BNC2: variants seen among roughly 807,000 people sequenced by gnomAD.
BNC2 encodes basonuclin zinc finger protein 2.
BNC2 carries 20 observed loss-of-function variants against 76.3 expected under a neutral mutation model. The observed-to-expected ratio is 0.26, with a 90% CI of 0.18 to 0.38. The LOEUF is 0.38. Ranked by LOEUF, BNC2 falls within the 10% of genes least tolerant of loss-of-function variation. The pLI, the probability that BNC2 is intolerant of heterozygous loss-of-function variation, is 1.00. For missense variants in BNC2, 1,382 were observed against 1,399.8 expected (o/e 0.99, Z 0.20); for synonymous variants, 582 against 514.8 (o/e 1.13, Z -1.77).
intron 1 of BNC2, among the ~76,000 whole-genome samples, chr9:16,746,196 T>C (rs1322538557): frequency 6.6e-6 from 1 of 152,190 alleles, no homozygotes; most frequent in African/African-American, 2.4e-5. Context: ...GTTGATAATC[T>C]AGTAGTATAC....
intron 3 of BNC2, among the ~76,000 whole-genome samples, chr9:16,704,266 T>G (rs1194082366): frequency 6.6e-6 from 1 of 152,212 alleles, no homozygotes; most frequent in African/African-American, 2.4e-5. Flanking sequence ...TCAGTAACTG[T>G]AAGCCTAAAA....
chr9:16,551,284 T>G (rs1408760337), intron 5 of BNC2, among the ~76,000 whole-genome samples: 1 of 152,144 alleles, frequency 6.6e-6, no homozygotes. Flanking sequence ...CCAACTCCCT[T>G]CCCTTTCCCT....
intron 5 of BNC2, among the ~76,000 whole-genome samples, chr9:16,520,862 T>A (rs1458475806): frequency 1.3e-5 from 2 of 152,220 alleles, no homozygotes; most frequent in Non-Finnish European, 2.9e-5. Context: ...GGCACAAGCA[T>A]AGCTTTAAAA....
intron 5 of BNC2, among the ~76,000 whole-genome samples, chr9:16,452,739 C>T (rs1352635273): frequency 1.3e-5 from 2 of 152,116 alleles, no homozygotes; most frequent in Non-Finnish European, 2.9e-5. Flanking sequence ...TGTTCGTGGG[C>T]GCATACTTTC....
intron 4 of BNC2, among the ~76,000 whole-genome samples, chr9:16,553,520 T>C (rs1468665095): frequency 6.6e-6 from 1 of 152,216 alleles, no homozygotes; most frequent in Non-Finnish European, 1.5e-5. Flanking sequence ...ACAAGTCACT[T>C]TGTTAATAGC....
intron 3 of BNC2, among the ~76,000 whole-genome samples, chr9:16,680,143 T>G (rs1242293408): frequency 6.6e-6 from 1 of 152,172 alleles, no homozygotes; most frequent in African/African-American, 2.4e-5. Flanking sequence ...ACATACAACA[T>G]TTTGGCAACT....
At chr9:16,617,746 T>C (rs77566809) in intron 3 of BNC2, among the ~76,000 whole-genome samples, 3,240 of 152,328 alleles carry the variant, frequency 0.021, 108 homozygotes, top group South Asian at 0.17. Context: ...GCATTTATTA[T>C]GTTTCAGGCA....
At chr9:16,564,078 A>G (rs997793885) in intron 4 of BNC2, among the ~76,000 whole-genome samples, 4 of 152,200 alleles carry the variant, frequency 2.6e-5, no homozygotes, top group Non-Finnish European at 4.4e-5. Context: ...GAGTGGAAAC[A>G]ACAGTTAAGG....
intron 4 of BNC2, among the ~76,000 whole-genome samples, chr9:16,555,856 A>G (rs942808876): frequency 6.6e-6 from 1 of 152,196 alleles, no homozygotes; most frequent in Non-Finnish European, 1.5e-5. Context: ...AGCAAAGGTC[A>G]ACAACTTATT....
At chr9:16,799,107 G>A (rs1314532805) in intron 1 of BNC2, among the ~76,000 whole-genome samples, 3 of 151,932 alleles carry the variant, frequency 2.0e-5, no homozygotes, top group South Asian at 2.1e-4. Context: ...CAGTTATAAT[G>A]CACATTATTT....
At chr9:16,830,353 G>A (rs931450836) in intron 1 of BNC2, among the ~76,000 whole-genome samples, 1 of 152,114 alleles carries the variant, frequency 6.6e-6, no homozygotes, top group African/African-American at 2.4e-5. Context: ...ATCTTCGAAC[G>A]CTCAAATCCC....
At chr9:16,734,051 T>C (rs969087900) in intron 2 of BNC2, among the ~76,000 whole-genome samples, 7 of 152,204 alleles carry the variant, frequency 4.6e-5, no homozygotes, top group Admixed American at 3.9e-4. Flanking sequence ...TTTTGGAGAA[T>C]ACTAGTTGGA....
chr9:16,420,200 T>C (rs6475051), intron 6 of BNC2, among the ~76,000 whole-genome samples: 5,113 of 152,212 alleles, frequency 0.034, 250 homozygotes, highest in African/African-American at 0.11. Flanking sequence ...AATGAAATCT[T>C]CCGTCTCTAC....
At chr9:16,665,386 AAGAGAGAGAG>A (rs55852227) in intron 3 of BNC2, among the ~76,000 whole-genome samples, 3 of 84,302 alleles carry the variant, frequency 3.6e-5, no homozygotes, top group East Asian at 9.4e-4. Context: ...AAAAAAAAAA[AAGAGAGAGAG>A]AGAGAGAAAG....
chr9:16,487,232 G>T (rs1217606502), intron 5 of BNC2, among the ~76,000 whole-genome samples: 1 of 152,166 alleles, frequency 6.6e-6, no homozygotes, highest in African/African-American at 2.4e-5. Context: ...ACAGACCAGA[G>T]GATGTAATAA....
chr9:16,740,754 G>A (rs556410294), intron 1 of BNC2, among the ~76,000 whole-genome samples: 1 of 152,136 alleles, frequency 6.6e-6, no homozygotes, highest in African/African-American at 2.4e-5. Flanking sequence ...GAGAGAAAAC[G>A]ATATTGAAGA....
At chr9:16,745,788 G>T (rs556410695) in intron 1 of BNC2, among the ~76,000 whole-genome samples, 1 of 152,170 alleles carries the variant, frequency 6.6e-6, no homozygotes, top group South Asian at 2.1e-4. Flanking sequence ...ATATATATAA[G>T]GAATAAGTAA....
intron 3 of BNC2, among the ~76,000 whole-genome samples, chr9:16,681,563 C>A (rs1822822308): frequency 1.3e-5 from 2 of 152,060 alleles, no homozygotes; most frequent in African/African-American, 4.8e-5. Context: ...GATGAAAAGA[C>A]AAAAACCATG....
chr9:16,850,557 T>G (rs2136152006), intron 1 of BNC2, among the ~76,000 whole-genome samples: 1 of 152,200 alleles, frequency 6.6e-6, no homozygotes, highest in African/African-American at 2.4e-5. Context: ...ATGTGAAAAA[T>G]CAATGTTGTC....
Sources: gnomAD v4.1 joint callset for allele counts (sites outside exome capture counted in the v4.1 genomes callset) on GRCh38, gnomAD v4.1.1 for gene constraint, MANE v1.5 for transcripts, NCBI Gene and HGNC (gene_info 2026-07-23, HGNC 2026-07-21) for gene names.